The following XIRP2 variants were observed in gnomAD, a reference collection of about 807,000 sequenced individuals.
The protein encoded by XIRP2 is xin actin binding repeat containing 2.
A neutral mutation model predicts 277.0 loss-of-function variants in XIRP2; 236 were observed. That is an observed-to-expected ratio of 0.85 (90% CI 0.77 to 0.95). The LOEUF (loss-of-function observed/expected upper bound fraction) is 0.95. XIRP2 is among the 40% of genes least tolerant of loss of function. The probability of loss-of-function intolerance (pLI) is 0.00; values close to 1 mark genes in which losing one functional copy is unlikely to be tolerated. For missense variants in XIRP2, 4,640 were observed against 4,157.5 expected (o/e 1.12, Z -3.19); for synonymous variants, 1,490 against 1,416.5 (o/e 1.05, Z -1.17).
At chr2:167,043,071 T>C (rs905904053) in intron 2 of XIRP2, among the ~76,000 whole-genome samples, 1 of 152,114 alleles carries the variant, frequency 6.6e-6, no homozygotes, top group African/African-American at 2.4e-5. Flanking sequence ...AACAACCTGC[T>C]TCTGAATGAT....
chr2:166,938,350 G>A (rs1177118000), intron 2 of XIRP2, among the ~76,000 whole-genome samples: 2 of 152,096 alleles, frequency 1.3e-5, no homozygotes, highest in African/African-American at 4.8e-5. Flanking sequence ...ATTTCGTTAT[G>A]TACCCAGTAG....
chr2:167,195,464 G>A (rs1234661240), intron 3 of XIRP2, among the ~76,000 whole-genome samples: 10 of 152,126 alleles, frequency 6.6e-5, no homozygotes, highest in African/African-American at 1.9e-4. Context: ...TTGATCTTCA[G>A]CATAGTCTCC....
At chr2:167,178,358 A>C (rs1371280971) in intron 3 of XIRP2, among the ~76,000 whole-genome samples, 1 of 152,136 alleles carries the variant, frequency 6.6e-6, no homozygotes, top group Non-Finnish European at 1.5e-5. Context: ...ACTGCATTTA[A>C]ACTGAGGTAT....
chr2:167,235,408 G>A (rs1022337691), intron 5 of XIRP2, among the ~76,000 whole-genome samples: 12 of 151,770 alleles, frequency 7.9e-5, no homozygotes, highest in African/African-American at 2.9e-4. Context: ...AATTTTGAAA[G>A]CAGATTAAAA....
chr2:167,137,930 T>C (rs998898), intron 3 of XIRP2, among the ~76,000 whole-genome samples: 11,250 of 152,214 alleles, frequency 0.074, 801 homozygotes, highest in African/African-American at 0.19. Flanking sequence ...TCTATCTCTG[T>C]TGGGACAAGA....
chr2:167,100,171 A>T (rs57050550), intron 2 of XIRP2, among the ~76,000 whole-genome samples: 13,712 of 151,528 alleles, frequency 0.09, 652 homozygotes, highest in South Asian at 0.16. Flanking sequence ...AAAAAAAATT[A>T]AAAAAAAATT....
At chr2:167,179,522 G>A (rs111677212) in intron 3 of XIRP2, among the ~76,000 whole-genome samples, 14,980 of 151,762 alleles carry the variant, frequency 0.099, 786 homozygotes, top group South Asian at 0.16. Flanking sequence ...GGGTTTCACC[G>A]TATTAGCCAG....
chr2:167,259,354 C>A lies in XIRP2; in HGVS notation c.*1537C>A. 1 of 1,602,596 alleles carries A rather than the reference C, an allele frequency of 6.2e-7. No homozygotes were observed. The highest frequency in any genetic ancestry group is 8.5e-7 in the Non-Finnish European group (1 of 1,175,612). ...TTAAAAGAAACAGGTGCTACAGTGA[C>A]ACTGAGTAAAATATCTATGGCCACT... On this transcript the variant is annotated 3_prime_UTR_variant, in exon 11 of 11. Transcript: ENST00000409195.
intron 2 of XIRP2, among the ~76,000 whole-genome samples, chr2:167,080,999 G>T (rs559958300): frequency 8.1e-4 from 123 of 151,918 alleles, no homozygotes; most frequent in African/African-American, 2.8e-3. Context: ...TTTTAAATGA[G>T]GTAATTTATT....
chr2:167,189,479 C>G (rs1484219202), intron 3 of XIRP2, among the ~76,000 whole-genome samples: 1 of 151,990 alleles, frequency 6.6e-6, no homozygotes, highest in African/African-American at 2.4e-5. Flanking sequence ...TATTTGTTTC[C>G]CACCTCCTCT....
At chr2:167,070,936 G>A (rs1689422830) in intron 2 of XIRP2, among the ~76,000 whole-genome samples, 1 of 152,058 alleles carries the variant, frequency 6.6e-6, no homozygotes, top group East Asian at 1.9e-4. Flanking sequence ...CTAAGCATTT[G>A]TCCACATTAT....
rs184771911 is a variant in XIRP2 at position 167,176,341 on chromosome 2, T to A, written c.563-34394T>A. Among the ~76,000 whole-genome samples, 104 of 152,262 alleles carry A rather than the reference T, an allele frequency of 6.8e-4. 1 individual carries two copies. In the East Asian group the frequency reaches 0.016, roughly 23 times the overall value. On this transcript the variant is annotated intron_variant, in intron 3 of 10. Coordinates refer to ENST00000409195, the MANE Select transcript of XIRP2 (RefSeq NM_152381.6). ...CCTCCGTGGGCTGCACCCACTGTCT[T>A]ACCAGTCCCAATGAGATGAGATGAG...
intron 2 of XIRP2, among the ~76,000 whole-genome samples, chr2:167,085,527 A>T (rs1179004456): frequency 6.6e-6 from 1 of 151,936 alleles, no homozygotes; most frequent in African/African-American, 2.4e-5. Flanking sequence ...TGATCTGTCT[A>T]ATGTTGACAG....
chr2:167,056,450 T>C (rs1381016926), intron 2 of XIRP2, among the ~76,000 whole-genome samples: 1 of 152,170 alleles, frequency 6.6e-6, no homozygotes, highest in Non-Finnish European at 1.5e-5. Context: ...TTGCACGAGA[T>C]GTAAAGTTTC....
intron 2 of XIRP2, among the ~76,000 whole-genome samples, chr2:167,025,364 G>A (rs1574176945): frequency 6.6e-6 from 1 of 151,982 alleles, no homozygotes; most frequent in Admixed American, 6.6e-5. Flanking sequence ...TATTAGTCTT[G>A]CTAGCGGTCT....
chr2:167,102,134 T>C (rs1690502613), intron 2 of XIRP2, among the ~76,000 whole-genome samples: 1 of 152,118 alleles, frequency 6.6e-6, no homozygotes, highest in Non-Finnish European at 1.5e-5. Flanking sequence ...CCTAGACAGC[T>C]TGTTTGAAGA....
At position 167,257,992 on chromosome 2, in the gene XIRP2, A is replaced by G; in HGVS notation, c.*175A>G. On this transcript the variant is annotated 3_prime_UTR_variant, in exon 11 of 11. Transcript: ENST00000409195. ...AAGATAGATGGAACTGCAAAAACCAAAGCAGATCAGTGGACTTTATTCCTA... is the reference window on the plus strand; with the variant it reads ...AAGATAGATGGAACTGCAAAAACCAGAGCAGATCAGTGGACTTTATTCCTA... The G allele has an allele frequency of 6.2e-7, 1 of 1,613,246 alleles. No homozygotes were observed. Among genetic ancestry groups the G allele is most frequent in the African/African-American group, 1.3e-5 (1 of 74,980 alleles).
intron 2 of XIRP2, among the ~76,000 whole-genome samples, chr2:166,969,721 G>A (rs555735630): frequency 3.0e-4 from 46 of 151,308 alleles, no homozygotes; most frequent in African/African-American, 1.0e-3. Flanking sequence ...AAATAATCTC[G>A]TGTATGTTCA....
chr2:167,109,945 T>C (rs938418037), intron 2 of XIRP2, among the ~76,000 whole-genome samples: 4 of 152,224 alleles, frequency 2.6e-5, no homozygotes, highest in Non-Finnish European at 4.4e-5. Context: ...CTTTTTTTCA[T>C]GTGCTTGTTG....
Sources: allele counts gnomAD v4.1 joint callset (sites outside exome capture counted in the v4.1 genomes callset), GRCh38; gene constraint gnomAD v4.1.1; transcripts MANE v1.5; gene names NCBI Gene and HGNC (gene_info 2026-07-23, HGNC 2026-07-21).